Variants in PADI3 observed in about 807,000 individuals in gnomAD.
The protein encoded by PADI3 is protein-arginine deiminase type-3.
A neutral mutation model predicts 71.5 loss-of-function variants in PADI3; 53 were observed. That is an observed-to-expected ratio of 0.74 (90% CI 0.59 to 0.93). The LOEUF is 0.93. Among genes scored for constraint, PADI3 ranks in the 40% least tolerant of loss-of-function variants. The pLI is 0.00. For missense variants in PADI3, 821 were observed against 868.0 expected, an observed-to-expected ratio of 0.95 and a Z score of 0.68; for synonymous variants, 361 against 347.5, an observed-to-expected ratio of 1.04 and a Z score of -0.43.
chr1:17,270,852 T>G, intron 7 of PADI3, 27 bp from the exon 8 acceptor site: 1 of 1,562,262 alleles, frequency 6.4e-7, no homozygotes, highest in East Asian at 2.2e-5. Flanking sequence ...AGTCCAGTGC[T>G]CTTTCTCCCC....
Position 17,270,872 on chromosome 1 carries a change from C to T in PADI3, c.832-7C>T, listed in dbSNP as rs752813253. On this transcript the variant is annotated splice_polypyrimidine_tract_variant and splice_region_variant and intron_variant, in intron 7 of 15. Coordinates refer to ENST00000375460, the MANE Select transcript of PADI3 (RefSeq NM_016233.2). ...AGTGCTCTTTCTCCCCTGGTCTGCC[C>T]CTGCAGGATTTCTCGGCATCCCCTA... 1.9e-6 allele frequency: 3 copies of T among 1,610,600 alleles called. No homozygotes were observed. In the South Asian group the frequency reaches 3.3e-5, roughly 18 times the overall value.
At chr1:17,268,416 A>C (rs915282832) in intron 6 of PADI3, among the ~76,000 whole-genome samples, 4 of 151,906 alleles carry the variant, frequency 2.6e-5, no homozygotes, top group African/African-American at 9.7e-5. Flanking sequence ...GTTGTTTTAC[A>C]TAGTCTGCCA....
At chr1:17,276,715 G>A (rs778560417) in intron 12 of PADI3, 52 bp downstream of exon 12, 14 of 1,613,650 alleles carry the variant, frequency 8.7e-6, no homozygotes, top group Non-Finnish European at 1.1e-5. Flanking sequence ...GGCAAGAACT[G>A]AGCTCCAGGG....
intron 1 of PADI3, among the ~76,000 whole-genome samples, chr1:17,249,821 G>C (rs1194634188): frequency 6.6e-6 from 1 of 152,192 alleles, no homozygotes; most frequent in African/African-American, 2.4e-5. Context: ...GAGGCAGAGA[G>C]GGCAAGCCAT....
intron 11 of PADI3, 42 bp from the exon 12 acceptor site, chr1:17,276,477 T>G (rs760927577): frequency 6.2e-7 from 1 of 1,610,546 alleles, no homozygotes; most frequent in African/African-American, 1.3e-5. Context: ...GCATGGAGTC[T>G]TTTTAGTTAA....
intron 9 of PADI3, 78 bp downstream of exon 9, chr1:17,271,256 A>C: frequency 1.6e-6 from 2 of 1,236,890 alleles, no homozygotes; most frequent in Admixed American, 2.2e-5. Context: ...GCCACCGAGA[A>C]ACATCCAGGA....
At chr1:17,254,747 T>G (rs1214823576) in intron 1 of PADI3, among the ~76,000 whole-genome samples, 1 of 149,056 alleles carries the variant, frequency 6.7e-6, no homozygotes, top group Non-Finnish European at 1.5e-5. Flanking sequence ...GATGGAGTTT[T>G]GCTCTTGTTG....
chr1:17,273,592 G>T (rs2073286513), intron 10 of PADI3, 145 bp downstream of exon 10: 1 of 520,802 alleles, frequency 1.9e-6, no homozygotes, highest in Non-Finnish European at 3.4e-6. Flanking sequence ...ATGCAGGGAT[G>T]CCCAGTCAAA....
intron 2 of PADI3, among the ~76,000 whole-genome samples, chr1:17,261,226 G>C (rs2073099261): frequency 6.6e-6 from 1 of 152,148 alleles, no homozygotes; most frequent in African/African-American, 2.4e-5. Flanking sequence ...GAACTTGGAT[G>C]CCTTGGATTC....
In PADI3 at chr1:17,266,724, G is replaced by A. The variant is rs753267588; in HGVS notation, c.414G>A (p.Gln138=). Residue 138 remains glutamine (Q), a synonymous_variant, in exon 5 of 16, where the codon CAG becomes CAA. Transcript: ENST00000375460. ...RQDRNFVDKR[Q]WVWGPSGYGG... The stretch of plus-strand genomic sequence containing the variant: ...CTATGTTTTGTCATTGGCAGCGGCA[G>A]TGGGTCTGGGGGCCCAGTGGGTATG... 2 of 1,613,968 alleles carry A rather than the reference G, an allele frequency of 1.2e-6. No homozygotes were observed. Among genetic ancestry groups the A allele is most frequent in the Non-Finnish European group, 1.7e-6 (2 of 1,179,834 alleles).
At chr1:17,262,722 G>C (rs2073118813) in intron 3 of PADI3, among the ~76,000 whole-genome samples, 1 of 152,168 alleles carries the variant, frequency 6.6e-6, no homozygotes, top group Admixed American at 6.5e-5. Flanking sequence ...TTCACCAGTA[G>C]ACTTGACACA....
At chr1:17,273,257 G>A in intron 9 of PADI3, 83 bp from the exon 10 acceptor site, 1 of 1,054,050 alleles carries the variant, frequency 9.5e-7, no homozygotes, top group Non-Finnish European at 1.4e-6. Context: ...TGAGCAGTCT[G>A]CCCCACAGGG....
rs548465532 is a variant in PADI3, at chr1:17,270,502, G to A, written c.831+91G>A. 42 of 1,046,114 alleles carry A rather than the reference G, an allele frequency of 4.0e-5. 1 individual carries two copies. The South Asian group carries it at 6.3e-4, about 16-fold the overall frequency. 64.8% of individuals were successfully genotyped at this position (1,046,114 alleles called of 1,614,324 possible). A position where few individuals can be genotyped will look rare whatever the true frequency, so the allele number is the denominator to read the frequency against. On this transcript the variant is annotated intron_variant, in intron 7 of 15. Coordinates refer to ENST00000375460, the MANE Select transcript of PADI3 (RefSeq NM_016233.2). ...CATCTCTACAAAAAAAAAAAAAATA[G>A]CGAGGTATAGTGGTGTACACCTATA...
intron 13 of PADI3, among the ~76,000 whole-genome samples, chr1:17,278,387 C>T (rs966025603): frequency 2.1e-4 from 32 of 152,062 alleles, no homozygotes; most frequent in African/African-American, 7.7e-4. Context: ...ACCACCACGC[C>T]TGGCTAATTT....
Position 17,280,804 on chromosome 1 carries a change from C to T in PADI3, c.1761+8C>T. 1.2e-6 allele frequency: 2 copies of T among 1,613,610 alleles called. No individual in the cohort carries two copies. The highest frequency in any genetic ancestry group is 2.2e-5 in the East Asian group (1 of 44,848). On this transcript the variant is annotated splice_region_variant and intron_variant, in intron 15 of 15. Transcript: ENST00000375460. ...GCCTTCTTCCCTGACTTGGTGAGGG[C>T]ACTACCCATGACTCCTTTGCCAAAT...
chr1:17,260,285 C>A (rs544277195), intron 2 of PADI3, among the ~76,000 whole-genome samples: 1 of 152,242 alleles, frequency 6.6e-6, no homozygotes, highest in African/African-American at 2.4e-5. Flanking sequence ...CTCTTCCTGA[C>A]CCTATTTGCA....
intron 1 of PADI3, among the ~76,000 whole-genome samples, chr1:17,258,208 C>T (rs924320377): frequency 4.6e-5 from 7 of 152,338 alleles, no homozygotes; most frequent in East Asian, 3.9e-4. Context: ...GCATGCATGC[C>T]GCTGCCTCCA....
chr1:17,270,846 C>A, intron 7 of PADI3, 33 bp from the exon 8 acceptor site: 1 of 1,523,772 alleles, frequency 6.6e-7, no homozygotes, highest in Non-Finnish European at 9.1e-7. Flanking sequence ...ACTCCAAGTC[C>A]AGTGCTCTTT....
Position 17,283,238 on chromosome 1 carries a change from G to C in PADI3, c.*159G>C. On this transcript the variant is annotated 3_prime_UTR_variant, in exon 16 of 16. Transcript: ENST00000375460. ...TCTCAGAAGCCTTTTCCCTGGAAGT[G>C]TCCATGCCTCACCTGCAACCCATGT... is the stretch of plus-strand genomic sequence containing the variant. The C allele has an allele frequency of 1.6e-6, 1 of 616,242 alleles. No homozygotes were observed. Among genetic ancestry groups the C allele is most frequent in the Admixed American group, 3.0e-5 (1 of 33,492 alleles). The allele number at this position is 616,242 out of a possible 1,614,324, so 38.2% of individuals were successfully genotyped here. A position where few individuals can be genotyped will look rare whatever the true frequency, so the allele number is the denominator to read the frequency against.
Sources: gnomAD v4.1 joint callset for allele counts (sites outside exome capture counted in the v4.1 genomes callset) on GRCh38, gnomAD v4.1.1 for gene constraint, MANE v1.5 for transcripts, NCBI Gene and HGNC (gene_info 2026-07-23, HGNC 2026-07-21) for gene names.